Variants in PSME4 observed in about 807,000 individuals in gnomAD.
The protein encoded by PSME4 is proteasome activator complex subunit 4.
PSME4 carries 89 observed loss-of-function variants against 253.9 expected under a neutral mutation model. The observed-to-expected ratio is 0.35, with a 90% CI of 0.30 to 0.42. The LOEUF (loss-of-function observed/expected upper bound fraction) is 0.42. Among genes scored for constraint, PSME4 ranks in the 10% least tolerant of loss-of-function variants. The pLI is 1.00. For synonymous variants in PSME4, 851 were observed against 759.2 expected, an observed-to-expected ratio of 1.12 and a Z score of -1.99; for missense variants, 2,014 against 2,195.2, an observed-to-expected ratio of 0.92 and a Z score of 1.65.
At chr2:53,954,360 C>G (rs1160299887) in intron 1 of PSME4, among the ~76,000 whole-genome samples, 1 of 151,748 alleles carries the variant, frequency 6.6e-6, no homozygotes. Flanking sequence ...AGACAGTGGG[C>G]TAGGCGCCAT....
At chr2:53,919,461 A>G (rs1668202852) in intron 19 of PSME4, among the ~76,000 whole-genome samples, 1 of 152,216 alleles carries the variant, frequency 6.6e-6, no homozygotes, top group Non-Finnish European at 1.5e-5. Context: ...CTCTAAGTAA[A>G]TCACAAGTAA....
intron 44 of PSME4, among the ~76,000 whole-genome samples, chr2:53,868,409 G>A (rs948713190): frequency 1.3e-5 from 2 of 149,674 alleles, no homozygotes; most frequent in African/African-American, 4.9e-5. Context: ...CTGAGATCAT[G>A]CCACTGCACT....
intron 14 of PSME4, 64 bp downstream of exon 14, chr2:53,925,475 C>G (rs1284023543): frequency 3.6e-6 from 5 of 1,377,984 alleles, no homozygotes; most frequent in Non-Finnish European, 4.9e-6. Flanking sequence ...AACTTGAAGT[C>G]AATTTTAAAA....
chr2:53,965,299 A>G (rs1573389271), intron 1 of PSME4, among the ~76,000 whole-genome samples: 1 of 147,284 alleles, frequency 6.8e-6, no homozygotes, highest in South Asian at 2.1e-4. Context: ...CCTAGCCTGG[A>G]GTGCAGTGGC....
intron 1 of PSME4, among the ~76,000 whole-genome samples, chr2:53,956,316 G>A (rs1573372901): frequency 6.6e-6 from 1 of 151,738 alleles, no homozygotes; most frequent in East Asian, 2.0e-4. Flanking sequence ...ATCACCTGAG[G>A]TCAGGAGTTT....
chr2:53,940,955 A>ATTTATATT (rs1553338430), intron 3 of PSME4, among the ~76,000 whole-genome samples: 1 of 34,348 alleles, frequency 2.9e-5, no homozygotes, highest in Non-Finnish European at 5.9e-5. Context: ...ATATATACAT[A>ATTTATATT]TATATATATA....
chr2:53,882,473 G>A (rs373269172), intron 41 of PSME4, among the ~76,000 whole-genome samples: 3 of 152,164 alleles, frequency 2.0e-5, no homozygotes, highest in Non-Finnish European at 4.4e-5. Flanking sequence ...TGAGGGACAC[G>A]TATTAACTCG....
intron 1 of PSME4, among the ~76,000 whole-genome samples, chr2:53,965,162 C>T (rs982374550): frequency 6.6e-6 from 1 of 152,026 alleles, no homozygotes; most frequent in Non-Finnish European, 1.5e-5. Flanking sequence ...GTAATCCATT[C>T]GCTTATTCTC....
rs1224952308 is a variant in PSME4 at position 53,909,963 on chromosome 2, C to G, written c.2572+112G>C. The G allele has an allele frequency of 2.3e-5, 22 of 943,820 alleles. No individual in the cohort carries two copies. The East Asian group carries it at 4.6e-4, about 20-fold the overall frequency. The allele number at this position is 943,820 out of a possible 1,614,324, so 58.5% of individuals were successfully genotyped here. A position where few individuals can be genotyped will look rare whatever the true frequency, so the allele number is the denominator to read the frequency against. Reference sequence around the variant, plus strand: ...CCAGCCTGGGAGACAGAGTGAGACTCTGTCTCAAAACAAAACAAAACAAAA... The same window carrying G: ...CCAGCCTGGGAGACAGAGTGAGACTGTGTCTCAAAACAAAACAAAACAAAA... On this transcript the variant is annotated intron_variant, in intron 21 of 46. Coordinates refer to ENST00000404125, the MANE Select transcript of PSME4 (RefSeq NM_014614.3).
chr2:53,932,141 T>C (rs753451458), intron 9 of PSME4, 41 bp from the exon 10 acceptor site: 4 of 1,576,138 alleles, frequency 2.5e-6, no homozygotes, highest in East Asian at 4.5e-5. Flanking sequence ...AGGTTCTACT[T>C]TGCCGCATAG....
intron 1 of PSME4, 28 bp downstream of exon 1, chr2:53,970,515 C>A: frequency 6.5e-7 from 1 of 1,547,896 alleles, no homozygotes; most frequent in Non-Finnish European, 8.7e-7. Context: ...TTCCCCCCGG[C>A]CCGGCCCGCA....
At chr2:53,956,782 A>C (rs908067542) in intron 1 of PSME4, among the ~76,000 whole-genome samples, 1 of 151,990 alleles carries the variant, frequency 6.6e-6, no homozygotes, top group African/African-American at 2.4e-5. Flanking sequence ...GAAAAAATTA[A>C]TATCAAAGTT....
intron 40 of PSME4, among the ~76,000 whole-genome samples, chr2:53,886,075 T>C (rs1319636986): frequency 1.3e-5 from 2 of 152,110 alleles, no homozygotes; most frequent in East Asian, 3.8e-4. Flanking sequence ...GATATTAGAA[T>C]AAATAAAGAA....
chr2:53,910,749 C>T (rs982925115), intron 20 of PSME4, among the ~76,000 whole-genome samples: 1 of 152,136 alleles, frequency 6.6e-6, no homozygotes, highest in Admixed American at 6.5e-5. Flanking sequence ...TTAAAAGTCA[C>T]TTTTTACATA....
At chr2:53,945,801 G>C (rs990976140) in intron 3 of PSME4, among the ~76,000 whole-genome samples, 1 of 152,164 alleles carries the variant, frequency 6.6e-6, no homozygotes, top group African/African-American at 2.4e-5. Flanking sequence ...TGACAAAACT[G>C]TTTCAAAATG....
intron 1 of PSME4, among the ~76,000 whole-genome samples, chr2:53,961,494 T>C (rs761963821): frequency 4.3e-4 from 65 of 152,212 alleles, no homozygotes; most frequent in Non-Finnish European, 6.9e-4. Flanking sequence ...AGTGAGACCC[T>C]GTCTCTACAA....
chr2:53,896,802 A>C lies in PSME4; in HGVS notation c.3688+2T>G. On this transcript the variant is annotated splice_donor_variant, in intron 32 of 46. Transcript: ENST00000404125. LOFTEE classifies it high-confidence loss of function. ...CTATTAATTACTTCTGGTAGTACTCACTGATTTCACAGGGGTTAATGGTCA... is the reference window on the plus strand; with the variant it reads ...CTATTAATTACTTCTGGTAGTACTCCCTGATTTCACAGGGGTTAATGGTCA... 6.3e-7 allele frequency: 1 copy of C among 1,595,956 alleles called. No individual in the cohort carries two copies. The highest frequency in any genetic ancestry group is 8.6e-7 in the Non-Finnish European group (1 of 1,163,586).
intron 26 of PSME4, among the ~76,000 whole-genome samples, chr2:53,906,247 T>A (rs77183328): frequency 1.3e-5 from 2 of 152,294 alleles, no homozygotes; most frequent in Non-Finnish European, 2.9e-5. Context: ...AAAATGTGAT[T>A]GAAGTGCCAG....
chr2:53,883,434 A>T (rs1456567187), intron 41 of PSME4, among the ~76,000 whole-genome samples: 1 of 151,798 alleles, frequency 6.6e-6, no homozygotes, highest in Non-Finnish European at 1.5e-5. Flanking sequence ...CAGGAGATTG[A>T]CGCTGCAGTG....
Sources: gnomAD v4.1 joint callset for allele counts (sites outside exome capture counted in the v4.1 genomes callset) on GRCh38, gnomAD v4.1.1 for gene constraint, MANE v1.5 for transcripts, NCBI Gene and HGNC (gene_info 2026-07-23, HGNC 2026-07-21) for gene names.